The following CCDC38 variants were observed in gnomAD, a reference collection of about 807,000 sequenced individuals.
CCDC38 encodes the protein coiled-coil domain-containing protein 38.
CCDC38 carries 69 observed loss-of-function variants against 72.8 expected under a neutral mutation model. The observed-to-expected ratio is 0.95, with a 90% CI of 0.78 to 1.16. The LOEUF is 1.16. Ranked by LOEUF, CCDC38 falls within the 50% of genes most tolerant of loss-of-function variation. The probability of loss-of-function intolerance (pLI) is 0.00; values close to 1 mark genes in which losing one functional copy is unlikely to be tolerated. For missense variants in CCDC38, 626 were observed against 638.9 expected, an observed-to-expected ratio of 0.98 and a Z score of 0.22; for synonymous variants, 201 against 213.2, an observed-to-expected ratio of 0.94 and a Z score of 0.50.
At chr12:95,886,380 A>G (rs1487216399) in intron 10 of CCDC38, among the ~76,000 whole-genome samples, 2 of 152,182 alleles carry the variant, frequency 1.3e-5, no homozygotes, top group African/African-American at 4.8e-5. Flanking sequence ...AAAAATATGG[A>G]AAAAAATCTT....
intron 13 of CCDC38, among the ~76,000 whole-genome samples, chr12:95,875,175 TG>T (rs138819462): frequency 0.13 from 19,915 of 152,124 alleles, 1,770 homozygotes; most frequent in Non-Finnish European, 0.19. Flanking sequence ...AGCTGATTGA[TG>T]GCATGAGACG....
Position 95,890,912 on chromosome 12 carries a change from C to T in CCDC38, c.791G>A (p.Ser264Asn), listed in dbSNP as rs752658250. The change falls in exon 9 of 16, where the codon AGT (serine) becomes AAT (asparagine). Residue 264 changes from serine (S) to asparagine (N), a missense_variant. Ser to Asn is a conservative substitution (Grantham distance 46, BLOSUM62 1). Coordinates refer to ENST00000344280, the MANE Select transcript of CCDC38 (RefSeq NM_182496.3). ...KILAKLSLHS[S>N]NKEGILEESG... ...CTCCTCAAGGATGCCTTCCTTGTTA[C>T]TTGAATGTAATGATAATTCTAGAAA... is the stretch of plus-strand genomic sequence containing the variant. 2 of 1,593,542 alleles carry T rather than the reference C, an allele frequency of 1.3e-6. No homozygotes were observed. Among genetic ancestry groups the T allele is most frequent in the Admixed American group, 1.7e-5 (1 of 59,520 alleles).
At chr12:95,917,437 T>C (rs1205799583) in intron 3 of CCDC38, 143 bp from the exon 4 acceptor site, 3 of 642,204 alleles carry the variant, frequency 4.7e-6, no homozygotes, top group East Asian at 6.2e-5. Context: ...TTTGAAGGAA[T>C]GTGTGTTGTT....
chr12:95,936,486 T>G lies in CCDC38; in HGVS notation c.24A>C (p.Thr8=). 1 of 1,612,830 alleles carries G rather than the reference T, an allele frequency of 6.2e-7. No homozygotes were observed. Among genetic ancestry groups the G allele is most frequent in the South Asian group, 1.1e-5 (1 of 90,912 alleles). ...ATTTCTTTTTACCTCCAGAATTCAG[T>G]GTTGGCAATAAATTTGAGGACATTT... MSSNLLP[T]LNSGGKVKDG... The change falls in exon 2 of 16, where the codon ACA becomes ACC. Residue 8 remains threonine, a synonymous_variant. Transcript: ENST00000344280.
rs1224876010 is a variant in CCDC38 at position 95,905,649 on chromosome 12, G to T, written c.369+738C>A. On this transcript the variant is annotated intron_variant, in intron 5 of 15. Transcript: ENST00000344280. ...TTGTTATTTACTCATTAGCATCAAA[G>T]AGTTTAATTGAGACACATCAACATC... is the stretch of plus-strand genomic sequence containing the variant. 5.3e-5 allele frequency among the ~76,000 whole-genome samples: 8 copies of T among 152,292 alleles called. No homozygotes were observed. In the East Asian group the frequency reaches 1.5e-3, roughly 29 times the overall value.
chr12:95,935,283 T>A (rs1396149981), intron 2 of CCDC38: 1 of 152,856 alleles, frequency 6.5e-6, no homozygotes, highest in Non-Finnish European at 1.5e-5. Flanking sequence ...AATAGAACCC[T>A]AAATGAACAC....
At chr12:95,940,498 G>A (rs2080437711) in intron 1 of CCDC38, among the ~76,000 whole-genome samples, 1 of 152,140 alleles carries the variant, frequency 6.6e-6, no homozygotes, top group Admixed American at 6.5e-5. Flanking sequence ...TGATCTCAAT[G>A]TGAGATAAAA....
chr12:95,874,732 G>A (rs2079617742), intron 13 of CCDC38, among the ~76,000 whole-genome samples: 1 of 152,236 alleles, frequency 6.6e-6, no homozygotes, highest in South Asian at 2.1e-4. Flanking sequence ...ATGGAAGACT[G>A]ATCAGAGAAC....
intron 3 of CCDC38, 139 bp downstream of exon 3, chr12:95,918,737 T>C: frequency 6.5e-6 from 4 of 612,150 alleles, no homozygotes; most frequent in Non-Finnish European, 8.8e-6. Context: ...GTTCACACTG[T>C]CTCCCCATCA....
At chr12:95,903,275 G>T in intron 5 of CCDC38, 3 of 532,448 alleles carry the variant, frequency 5.6e-6, no homozygotes, top group Non-Finnish European at 1.0e-5. Context: ...CATAGGTTAT[G>T]GTAGTTTTAA....
chr12:95,895,125 G>A lies in CCDC38; in HGVS notation c.636C>T (p.Phe212=), dbSNP rs2079872488. 3.7e-6 allele frequency: 6 copies of A among 1,606,974 alleles called. No homozygotes were observed. The highest frequency in any genetic ancestry group is 5.1e-6 in the Non-Finnish European group (6 of 1,177,680). ...CATATTTCATATACTCCCTGAGGAGGAATTCTGTTTTTGCTATTTCACTAC... is the reference window on the plus strand; with the variant it reads ...CATATTTCATATACTCCCTGAGGAGAAATTCTGTTTTTGCTATTTCACTAC... ...AVKSEIAKTE[F]LLREYMKYGF... is the part of the protein sequence containing the mutation. The change falls in exon 8 of 16, where the codon TTC becomes TTT. Residue 212 remains phenylalanine, a synonymous_variant. Coordinates refer to ENST00000344280, the MANE Select transcript of CCDC38 (RefSeq NM_182496.3).
At chr12:95,900,318 C>G (rs905217845) in intron 5 of CCDC38, among the ~76,000 whole-genome samples, 23 of 152,134 alleles carry the variant, frequency 1.5e-4, no homozygotes, top group Admixed American at 1.2e-3. Context: ...TCTAAAATCC[C>G]TAATGTCTAA....
At chr12:95,914,892 T>C (rs990116819) in intron 4 of CCDC38, among the ~76,000 whole-genome samples, 1 of 152,186 alleles carries the variant, frequency 6.6e-6, no homozygotes, top group Non-Finnish European at 1.5e-5. Context: ...TGTATCCTCA[T>C]GGTGTTATCT....
intron 5 of CCDC38, among the ~76,000 whole-genome samples, chr12:95,899,808 T>C (rs1411531701): frequency 6.6e-6 from 1 of 152,110 alleles, no homozygotes; most frequent in African/African-American, 2.4e-5. Flanking sequence ...CCAGGACTGT[T>C]TTAAGGGGTG....
At chr12:95,890,979 A>T in intron 8 of CCDC38, 49 bp from the exon 9 acceptor site, 2 of 1,014,504 alleles carry the variant, frequency 2.0e-6, no homozygotes, top group Non-Finnish European at 3.0e-6. Flanking sequence ...ATGGGGGGAA[A>T]AAAACACTGC....
intron 2 of CCDC38, among the ~76,000 whole-genome samples, chr12:95,930,626 C>G (rs1249291503): frequency 6.6e-6 from 1 of 152,020 alleles, no homozygotes; most frequent in African/African-American, 2.4e-5. Context: ...CAAAGATCCC[C>G]CTTTCCAAAC....
intron 2 of CCDC38, chr12:95,934,501 T>C (rs2080370125): frequency 6.6e-6 from 1 of 151,996 alleles, no homozygotes; most frequent in Non-Finnish European, 1.5e-5. Context: ...TCCAGGAAAC[T>C]GTAGCAAGCT....
intron 2 of CCDC38, among the ~76,000 whole-genome samples, chr12:95,931,468 G>A (rs914610839): frequency 6.6e-6 from 1 of 152,132 alleles, no homozygotes; most frequent in Non-Finnish European, 1.5e-5. Context: ...CACATTTGGG[G>A]GGCCATTATT....
chr12:95,925,480 C>T (rs1000086146), intron 2 of CCDC38, among the ~76,000 whole-genome samples: 1 of 152,176 alleles, frequency 6.6e-6, no homozygotes, highest in Non-Finnish European at 1.5e-5. Context: ...ATCAAGTCAT[C>T]TGCAAACAGG....
Sources: allele counts gnomAD v4.1 joint callset (sites outside exome capture counted in the v4.1 genomes callset), GRCh38; gene constraint gnomAD v4.1.1; transcripts MANE v1.5; gene names NCBI Gene and HGNC (gene_info 2026-07-23, HGNC 2026-07-21).